KLKB1: variants seen among roughly 807,000 people sequenced by gnomAD.
The protein encoded by KLKB1 is plasma kallikrein.
In KLKB1, 58 loss-of-function variants were observed where a neutral mutation model predicts 73.6. The ratio of observed to expected loss-of-function variants is 0.79; its 90% CI spans 0.64 to 0.98. The LOEUF is 0.98. Among genes scored for constraint, KLKB1 ranks in the 50% least tolerant of loss-of-function variants. The pLI is 0.00. For missense variants in KLKB1, 737 were observed against 763.8 expected, an observed-to-expected ratio of 0.96 and a Z score of 0.41; for synonymous variants, 280 against 258.1, an observed-to-expected ratio of 1.08 and a Z score of -0.81.
intron 6 of KLKB1, among the ~76,000 whole-genome samples, chr4:186,239,986 T>C (rs565754163): frequency 1.3e-5 from 2 of 150,716 alleles, no homozygotes; most frequent in South Asian, 2.1e-4. Flanking sequence ...TACAGTGATA[T>C]AGGACAGTGA....
At chr4:186,222,032 GACAGT>G (rs1737043424), upstream of KLKB1, among the ~76,000 whole-genome samples, 1 of 152,090 alleles carries the variant, frequency 6.6e-6, no homozygotes, top group Non-Finnish European at 1.5e-5. Flanking sequence ...TGTCTCTTGT[GACAGT>G]ATTTGACTTA....
intron 2 of KLKB1, chr4:186,229,024 T>C (rs963016669): frequency 2.6e-5 from 4 of 152,084 alleles, no homozygotes; most frequent in African/African-American, 4.8e-5. Context: ...CCTTTTTTTT[T>C]CCAGGAAAAA....
At chr4:186,242,260 T>A (rs4253267) in intron 6 of KLKB1, among the ~76,000 whole-genome samples, 97,495 of 151,862 alleles carry the variant, frequency 0.64, 31,857 homozygotes, top group Non-Finnish European at 0.71. Context: ...TTCTTTTGTC[T>A]TTCTTCAGTT....
chr4:186,257,194 T>C (rs1212713797), intron 13 of KLKB1, 32 bp from the exon 14 acceptor site: 1 of 1,294,818 alleles, frequency 7.7e-7, no homozygotes. Flanking sequence ...ATTATTAACT[T>C]CCCTCTGAGG....
Position 186,258,409 on chromosome 4 carries a change from A to G in KLKB1, c.*197A>G, listed in dbSNP as rs1038166949. 4 of 639,610 alleles carry G rather than the reference A, an allele frequency of 6.3e-6. No individual in the cohort carries two copies. The African/African-American group carries it at 7.2e-5, about 12-fold the overall frequency. The allele number at this position is 639,610 out of a possible 1,614,324, so 39.6% of individuals were successfully genotyped here. ...CAGCACGCCGTAACCAGGGGCTGACAATGCGAGGTCGCAACTGAGATCTCC... is the reference window on the plus strand; with the variant it reads ...CAGCACGCCGTAACCAGGGGCTGACGATGCGAGGTCGCAACTGAGATCTCC... On this transcript the variant is annotated 3_prime_UTR_variant, in exon 15 of 15. Coordinates refer to ENST00000264690, the MANE Select transcript of KLKB1 (RefSeq NM_000892.5).
chr4:186,216,276 AG>A (rs1245208933), intron 2 of KLKB1, among the ~76,000 whole-genome samples: 1 of 152,222 alleles, frequency 6.6e-6, no homozygotes, highest in Admixed American at 6.5e-5. Flanking sequence ...CATTCATAAA[AG>A]TCTGCCAAGT....
chr4:186,254,484 A>T (rs1376588642), intron 11 of KLKB1, 104 bp from the exon 12 acceptor site: 2 of 967,328 alleles, frequency 2.1e-6, no homozygotes, highest in Non-Finnish European at 3.4e-6. Context: ...AATGTGTCCT[A>T]TGTATTTCCT....
chr4:186,223,883 G>T (rs564663583), upstream of KLKB1, among the ~76,000 whole-genome samples: 27 of 152,294 alleles, frequency 1.8e-4, 1 homozygote, highest in South Asian at 5.6e-3. Flanking sequence ...CATTTCAGAG[G>T]TCTTCAAGGC....
intron 6 of KLKB1, among the ~76,000 whole-genome samples, chr4:186,239,096 C>T (rs12509937): frequency 0.54 from 62,363 of 116,490 alleles, 17,426 homozygotes; most frequent in African/African-American, 0.69. Flanking sequence ...GATACTGTTA[C>T]AGGTACAGTG....
At chr4:186,229,109 TTACAAACCCATG>T (rs1338055577) in intron 2 of KLKB1, 3 of 152,172 alleles carry the variant, frequency 2.0e-5, no homozygotes, top group African/African-American at 7.2e-5. Flanking sequence ...AAACCGTAAT[TTACAAACCCATG>T]TGCAAACCCA....
intron 3 of KLKB1, among the ~76,000 whole-genome samples, chr4:186,233,202 C>T (rs928000414): frequency 7.2e-5 from 11 of 152,302 alleles, no homozygotes; most frequent in African/African-American, 2.4e-4. Context: ...CATGAGCCAC[C>T]GCACCCAGCG....
Position 186,257,280 on chromosome 4 carries a change from A to T in KLKB1, c.1640A>T (p.Glu547Val). 3 of 1,602,636 alleles carry T rather than the reference A, an allele frequency of 1.9e-6. No homozygotes were observed. The highest frequency in any genetic ancestry group is 2.6e-6 in the Non-Finnish European group (3 of 1,172,664). Residue 547 changes from glutamate (E) to valine (V), a missense_variant, in exon 14 of 15, where the codon GAA (glutamate) becomes GTA (valine). Coordinates refer to ENST00000264690, the MANE Select transcript of KLKB1 (RefSeq NM_000892.5). ...KVNIPLVTNE[E>V]CQKRYQDYKI... Reference sequence around the variant, plus strand: ...AATATTCCTTTGGTAACAAATGAAGAATGCCAGAAAAGATATCAAGATTAT... The same window carrying T: ...AATATTCCTTTGGTAACAAATGAAGTATGCCAGAAAAGATATCAAGATTAT...
intron 2 of KLKB1, among the ~76,000 whole-genome samples, chr4:186,214,984 A>G (rs1480626138): frequency 6.6e-6 from 1 of 151,990 alleles, no homozygotes; most frequent in Non-Finnish European, 1.5e-5. Context: ...TGTGGTTTGC[A>G]TTTATTGATC....
At chr4:186,225,808 C>T (rs1446625488), upstream of KLKB1, among the ~76,000 whole-genome samples, 1 of 152,046 alleles carries the variant, frequency 6.6e-6, no homozygotes, top group South Asian at 2.1e-4. Context: ...TCATTTATGT[C>T]TCCAAATTTT....
At chr4:186,225,356 C>G (rs555977953), upstream of KLKB1, among the ~76,000 whole-genome samples, 12 of 152,002 alleles carry the variant, frequency 7.9e-5, no homozygotes, top group East Asian at 2.3e-3. Context: ...TGAAGCTTCC[C>G]TTGTATGTGA....
intron 2 of KLKB1, among the ~76,000 whole-genome samples, chr4:186,219,452 T>C (rs751705350): frequency 3.3e-5 from 5 of 152,188 alleles, no homozygotes; most frequent in Non-Finnish European, 5.9e-5. Flanking sequence ...TGCTGTTACA[T>C]AAAGTTAACA....
chr4:186,219,868 T>C (rs115054649), intron 2 of KLKB1, among the ~76,000 whole-genome samples: 9 of 152,258 alleles, frequency 5.9e-5, no homozygotes, highest in Non-Finnish European at 1.2e-4. Flanking sequence ...AGGGATCTCC[T>C]GTATTCCTTG....
intron 3 of KLKB1, among the ~76,000 whole-genome samples, chr4:186,232,880 T>C (rs1474433830): frequency 3.3e-5 from 5 of 152,138 alleles, no homozygotes; most frequent in Non-Finnish European, 7.3e-5. Context: ...TATTATTAAC[T>C]GGAAATTTGT....
At chr4:186,243,762 C>G (rs1376168721) in intron 6 of KLKB1, among the ~76,000 whole-genome samples, 1 of 152,162 alleles carries the variant, frequency 6.6e-6, no homozygotes, top group Non-Finnish European at 1.5e-5. Context: ...GAGTGAGGGC[C>G]TGAGTTAAGG....
Sources: allele counts gnomAD v4.1 joint callset (sites outside exome capture counted in the v4.1 genomes callset), GRCh38; gene constraint gnomAD v4.1.1; transcripts MANE v1.5; gene names NCBI Gene and HGNC (gene_info 2026-07-23, HGNC 2026-07-21).